Variants in KCTD18 observed in about 807,000 individuals in gnomAD.
KCTD18 encodes the protein potassium channel tetramerization domain containing 18.
KCTD18 carries 22 observed loss-of-function variants against 30.4 expected under a neutral mutation model. That is an observed-to-expected ratio of 0.72 (90% CI 0.52 to 1.03). KCTD18 has a LOEUF of 1.03. Among genes scored for constraint, KCTD18 ranks in the 50% least tolerant of loss-of-function variants. The pLI is 0.00. For missense variants in KCTD18, 529 were observed against 547.6 expected, an observed-to-expected ratio of 0.97 and a Z score of 0.34; for synonymous variants, 186 against 209.0, an observed-to-expected ratio of 0.89 and a Z score of 0.95.
intron 5 of KCTD18, among the ~76,000 whole-genome samples, chr2:200,495,465 C>T (rs2087985297): frequency 6.6e-6 from 1 of 152,084 alleles, no homozygotes; most frequent in Non-Finnish European, 1.5e-5. Flanking sequence ...AAGATAGATT[C>T]CAAGAAGTAA....
intron 3 of KCTD18, among the ~76,000 whole-genome samples, chr2:200,499,671 T>A (rs942866473): frequency 2.0e-5 from 3 of 151,470 alleles, no homozygotes; most frequent in Non-Finnish European, 2.9e-5. Flanking sequence ...CAGGACCAGA[T>A]GGATTCACAG....
In KCTD18 at chr2:200,499,073, G is replaced by C. The variant is rs756635868; in HGVS notation, c.384C>G (p.Asp128Glu). 6.2e-7 allele frequency: 1 copy of C among 1,608,640 alleles called. No individual in the cohort carries two copies. ...SNIELKKALT[D>E]FCDSYGLVCN... ...AGACTAAGCCATATGAATCACAGAA[G>C]TCTGTTAAAGCCTAAAGCAAAAAGT... is the stretch of plus-strand genomic sequence containing the variant. Residue 128 changes from aspartate (D) to glutamate (E), a missense_variant, in exon 4 of 7, where the codon GAC (aspartate) becomes GAG (glutamate). Transcript: ENST00000359878.
Position 200,490,120 on chromosome 2 carries a change from C to A in KCTD18, c.1261G>T (p.Gly421Trp). Residue 421 changes from glycine (G) to tryptophan (W), a missense_variant, in exon 7 of 7, where the codon GGG becomes TGG. Coordinates refer to ENST00000359878, the MANE Select transcript of KCTD18 (RefSeq NM_152387.4). Reference sequence around the variant, plus strand: ...TTTCATCAATTTCCCTTGTTCTTCCCGTTCTCAGTCCGCACTCCCAAGGCA... The same window carrying A: ...TTTCATCAATTTCCCTTGTTCTTCCAGTTCTCAGTCCGCACTCCCAAGGCA... ...ARALGVRTEN[G>W]KNKGN is the part of the protein sequence containing the mutation. 6.3e-7 allele frequency: 1 copy of A among 1,582,370 alleles called. No homozygotes were observed. Among genetic ancestry groups the A allele is most frequent in the Non-Finnish European group, 8.6e-7 (1 of 1,158,948 alleles).
chr2:200,504,987 T>A, intron 2 of KCTD18, 28 bp from the exon 3 acceptor site: 2 of 1,557,432 alleles, frequency 1.3e-6, no homozygotes, highest in Non-Finnish European at 1.8e-6. Context: ...CAAAAATGAT[T>A]ATAGAGATTC....
intron 2 of KCTD18, among the ~76,000 whole-genome samples, chr2:200,506,330 G>T (rs778455215): frequency 6.6e-6 from 1 of 152,152 alleles, no homozygotes; most frequent in African/African-American, 2.4e-5. Context: ...CCAGTTTTCA[G>T]TCCGCTGCCC....
intron 3 of KCTD18, among the ~76,000 whole-genome samples, chr2:200,502,988 C>A (rs1162534664): frequency 6.8e-6 from 1 of 146,344 alleles, no homozygotes; most frequent in African/African-American, 2.5e-5. Flanking sequence ...TGAGATCATG[C>A]AATTGCACTC....
chr2:200,508,373 A>G (rs1336298860), intron 1 of KCTD18, among the ~76,000 whole-genome samples: 5 of 152,186 alleles, frequency 3.3e-5, no homozygotes, highest in African/African-American at 1.2e-4. Context: ...TACAGGCGTG[A>G]GCCACTGCAC....
Position 200,490,402 on chromosome 2 carries a change from C to A in KCTD18, c.979G>T (p.Ala327Ser), listed in dbSNP as rs931785255. 4.3e-6 allele frequency: 7 copies of A among 1,614,200 alleles called. No homozygotes were observed. Among genetic ancestry groups the A allele is most frequent in the South Asian group, 3.3e-5 (3 of 91,074 alleles). The change falls in exon 7 of 7, where the codon GCA becomes TCA. Residue 327 changes from alanine (A) to serine (S), a missense_variant. Physicochemically the swap from Ala to Ser is moderately conservative, Grantham distance 99. Coordinates refer to ENST00000359878, the MANE Select transcript of KCTD18 (RefSeq NM_152387.4). ...ACCAGGGCCGTGGCTCTGGAAGGTG[C>A]AGAGCGCTGAGCTGCCTTTCTGCGG... ...GSRRKAAQRSAPSRATALVGT... is the reference protein window; with the variant it reads ...GSRRKAAQRSSPSRATALVGT...
At chr2:200,492,905 C>T (rs147268537) in intron 6 of KCTD18, among the ~76,000 whole-genome samples, 4 of 116,914 alleles carry the variant, frequency 3.4e-5, no homozygotes, top group African/African-American at 1.1e-4. Context: ...ACAGCATGCC[C>T]ACTGTGTCCA....
intron 5 of KCTD18, chr2:200,496,128 G>C (rs1037429114): frequency 2.6e-5 from 4 of 152,362 alleles, no homozygotes; most frequent in Middle Eastern, 3.4e-3. Context: ...ATGCTGGCCA[G>C]GATGGTCTCA....
chr2:200,507,143 GATAAT>G (rs1217307579), intron 1 of KCTD18, 52 bp from the exon 2 acceptor site: 1 of 612,950 alleles, frequency 1.6e-6, no homozygotes, highest in Non-Finnish European at 2.8e-6. Context: ...ACACTAAATA[GATAAT>G]ATAATAAATA....
At chr2:200,498,758 G>A in intron 4 of KCTD18, 133 bp downstream of exon 4, 1 of 728,598 alleles carries the variant, frequency 1.4e-6, no homozygotes, top group Non-Finnish European at 2.3e-6. Flanking sequence ...TATCTCAACT[G>A]CTATGATGGC....
intron 6 of KCTD18, 131 bp from the exon 7 acceptor site, chr2:200,490,747 C>T: frequency 1.1e-6 from 1 of 889,646 alleles, no homozygotes; most frequent in Non-Finnish European, 1.6e-6. Context: ...GGTTTATGGG[C>T]ACCTACCTCA....
At chr2:200,508,978 T>C (rs1242808654) in intron 1 of KCTD18, among the ~76,000 whole-genome samples, 1 of 152,218 alleles carries the variant, frequency 6.6e-6, no homozygotes, top group African/African-American at 2.4e-5. Flanking sequence ...TCTACAAATA[T>C]ACTGTGTGTC....
intron 6 of KCTD18, 21 bp downstream of exon 6, chr2:200,493,151 A>G: frequency 6.9e-7 from 1 of 1,447,974 alleles, no homozygotes; most frequent in Admixed American, 1.7e-5. Flanking sequence ...CAAAACAAAT[A>G]AACAACACAG....
intron 1 of KCTD18, among the ~76,000 whole-genome samples, chr2:200,508,509 T>C (rs1202802876): frequency 6.6e-6 from 1 of 152,214 alleles, no homozygotes; most frequent in Non-Finnish European, 1.5e-5. Context: ...CTCCCAATTA[T>C]TGAGAATCTG....
At chr2:200,499,862 T>C (rs1250381522) in intron 3 of KCTD18, among the ~76,000 whole-genome samples, 1 of 147,396 alleles carries the variant, frequency 6.8e-6, no homozygotes, top group Non-Finnish European at 1.5e-5. Context: ...TTGATGAACA[T>C]TGATGCAAAA....
At chr2:200,505,952 G>A (rs1474785944) in intron 2 of KCTD18, among the ~76,000 whole-genome samples, 1 of 151,938 alleles carries the variant, frequency 6.6e-6, no homozygotes, top group East Asian at 1.9e-4. Flanking sequence ...TTTAGGGGCA[G>A]AGAAGAAAAC....
chr2:200,497,874 A>C (rs1185949416), intron 4 of KCTD18, 27 bp from the exon 5 acceptor site: 1 of 1,450,174 alleles, frequency 6.9e-7, no homozygotes, highest in Non-Finnish European at 9.7e-7. Context: ...GAGTAATGAA[A>C]ATATACTACC....
Sources: gnomAD v4.1 joint callset for allele counts (sites outside exome capture counted in the v4.1 genomes callset) on GRCh38, gnomAD v4.1.1 for gene constraint, MANE v1.5 for transcripts, NCBI Gene and HGNC (gene_info 2026-07-23, HGNC 2026-07-21) for gene names.